The following PDE7B variants were observed in gnomAD, a reference collection of about 807,000 sequenced individuals.
The protein encoded by PDE7B is 3',5'-cyclic-AMP phosphodiesterase 7B.
PDE7B carries 29 observed loss-of-function variants against 56.2 expected under a neutral mutation model. The ratio of observed to expected loss-of-function variants is 0.52; its 90% CI spans 0.38 to 0.70. The LOEUF is 0.70. Ranked by LOEUF, PDE7B falls within the 30% of genes least tolerant of loss-of-function variation. The pLI is 0.00. For synonymous variants in PDE7B, 197 were observed against 196.9 expected (o/e 1.00, Z 0.00); for missense variants, 490 against 565.0 (o/e 0.87, Z 1.35).
chr6:136,175,028 A>G (rs1778953693), intron 9 of PDE7B, among the ~76,000 whole-genome samples: 1 of 152,178 alleles, frequency 6.6e-6, no homozygotes. Context: ...GAGGACAGGA[A>G]AGAAGAAAAT....
At chr6:135,885,951 A>G (rs1004206070) in intron 1 of PDE7B, among the ~76,000 whole-genome samples, 2 of 152,186 alleles carry the variant, frequency 1.3e-5, no homozygotes, top group African/African-American at 4.8e-5. Context: ...AACTTAGTCT[A>G]TAATAGAGGA....
intron 1 of PDE7B, among the ~76,000 whole-genome samples, chr6:135,933,101 C>T (rs1379762674): frequency 6.6e-6 from 1 of 152,096 alleles, no homozygotes; most frequent in Non-Finnish European, 1.5e-5. Flanking sequence ...TTTCCAAGGT[C>T]AAAGAGCTAG....
intron 2 of PDE7B, among the ~76,000 whole-genome samples, chr6:136,004,698 A>G (rs1775743727): frequency 1.3e-5 from 2 of 152,164 alleles, no homozygotes; most frequent in African/African-American, 4.8e-5. Context: ...TCAAGGAAAT[A>G]AAAGAGGATA....
intron 2 of PDE7B, among the ~76,000 whole-genome samples, chr6:136,093,624 C>T (rs1013576368): frequency 1.2e-4 from 19 of 152,248 alleles, no homozygotes; most frequent in African/African-American, 4.3e-4. Context: ...TCCAGAGAGG[C>T]CCATGAACAC....
intron 1 of PDE7B, among the ~76,000 whole-genome samples, chr6:135,892,480 G>A (rs1378443335): frequency 1.3e-5 from 2 of 152,118 alleles, no homozygotes; most frequent in South Asian, 2.1e-4. Context: ...TATAATCTGA[G>A]TTCTATTCTG....
intron 1 of PDE7B, among the ~76,000 whole-genome samples, chr6:135,890,731 G>A (rs1243561924): frequency 2.6e-5 from 4 of 152,112 alleles, no homozygotes; most frequent in Admixed American, 2.6e-4. Flanking sequence ...ACTAAGTTTA[G>A]GAAAGCAAAA....
intron 1 of PDE7B, among the ~76,000 whole-genome samples, chr6:135,900,666 T>C (rs1191721053): frequency 1.3e-5 from 2 of 152,116 alleles, no homozygotes; most frequent in Non-Finnish European, 2.9e-5. Context: ...ATATTAAATA[T>C]CTTCTTTTAG....
chr6:135,984,047 A>T (rs574715181), intron 2 of PDE7B, among the ~76,000 whole-genome samples: 1 of 152,350 alleles, frequency 6.6e-6, no homozygotes, highest in Admixed American at 6.5e-5. Context: ...TTTCTTCAGG[A>T]CCTGATGCTC....
chr6:136,136,480 A>C (rs1400208242), intron 3 of PDE7B, among the ~76,000 whole-genome samples: 5 of 152,106 alleles, frequency 3.3e-5, no homozygotes, highest in Admixed American at 1.3e-4. Context: ...ACTGAGTGTT[A>C]CAGCAAAAGT....
intron 2 of PDE7B, among the ~76,000 whole-genome samples, chr6:136,090,940 A>G (rs1055159587): frequency 9.2e-5 from 14 of 152,170 alleles, no homozygotes; most frequent in African/African-American, 3.1e-4. Context: ...GCCTCCCCTA[A>G]CACACCAGAG....
chr6:135,907,733 A>G (rs1220454984), intron 1 of PDE7B, among the ~76,000 whole-genome samples: 2 of 152,206 alleles, frequency 1.3e-5, no homozygotes, highest in African/African-American at 4.8e-5. Context: ...CTAAAAATAC[A>G]TGTAATACTC....
At chr6:135,981,628 G>C (rs984023674) in intron 2 of PDE7B, among the ~76,000 whole-genome samples, 2 of 150,340 alleles carry the variant, frequency 1.3e-5, no homozygotes, top group Admixed American at 1.3e-4. Context: ...CAATATCACT[G>C]TCTTCCACCT....
intron 2 of PDE7B, among the ~76,000 whole-genome samples, chr6:136,056,351 T>G (rs1232718399): frequency 6.6e-6 from 1 of 152,146 alleles, no homozygotes; most frequent in East Asian, 1.9e-4. Context: ...TGACTTCTAA[T>G]TATATTAATG....
At chr6:135,960,480 C>T (rs4896185) in intron 2 of PDE7B, among the ~76,000 whole-genome samples, 56,091 of 152,010 alleles carry the variant, frequency 0.37, 10,641 homozygotes, top group Admixed American at 0.52. Flanking sequence ...CTTATATTTA[C>T]CAGTAGCCTG....
chr6:135,964,852 G>A (rs1562454390), intron 2 of PDE7B, among the ~76,000 whole-genome samples: 1 of 152,154 alleles, frequency 6.6e-6, no homozygotes, highest in Non-Finnish European at 1.5e-5. Context: ...AGATATTGCA[G>A]GCTGGGTGCA....
chr6:135,885,607 G>C (rs1292870904), intron 1 of PDE7B, among the ~76,000 whole-genome samples: 2 of 152,140 alleles, frequency 1.3e-5, no homozygotes, highest in African/African-American at 4.8e-5. Context: ...CTGCTATTAA[G>C]TGTAACCCCA....
intron 10 of PDE7B, 100 bp from the exon 11 acceptor site, chr6:136,181,127 G>A (rs989879780): frequency 1.2e-6 from 1 of 801,802 alleles, no homozygotes; most frequent in South Asian, 1.5e-5. Context: ...GCCTGGTACT[G>A]TGAGCAGACT....
intron 1 of PDE7B, 130 bp from the exon 2 acceptor site, chr6:135,947,334 C>T: frequency 1.4e-6 from 1 of 719,252 alleles, no homozygotes; most frequent in Non-Finnish European, 2.5e-6. Flanking sequence ...TGACATAAGT[C>T]CCTAGACTCA....
chr6:135,905,278 T>C (rs1216878648), intron 1 of PDE7B, among the ~76,000 whole-genome samples: 1 of 152,102 alleles, frequency 6.6e-6, no homozygotes, highest in African/African-American at 2.4e-5. Flanking sequence ...TTTGGTAAAA[T>C]AGTCCCGTTT....
Sources: allele counts gnomAD v4.1 joint callset (sites outside exome capture counted in the v4.1 genomes callset), GRCh38; gene constraint gnomAD v4.1.1; transcripts MANE v1.5; gene names NCBI Gene and HGNC (gene_info 2026-07-23, HGNC 2026-07-21).